Variants in RSPO3 observed in about 807,000 individuals in gnomAD.
RSPO3 encodes R-spondin 3, also known as R-spondin-3.
In RSPO3, 17 loss-of-function variants were observed where a neutral mutation model predicts 36.5. The observed-to-expected ratio is 0.47, with a 90% CI of 0.32 to 0.70. The LOEUF is 0.70. Among genes scored for constraint, RSPO3 ranks in the 30% least tolerant of loss-of-function variants. RSPO3 has a pLI of 0.04. For synonymous variants in RSPO3, 108 were observed against 107.0 expected, an observed-to-expected ratio of 1.01 and a Z score of -0.06; for missense variants, 294 against 322.5, an observed-to-expected ratio of 0.91 and a Z score of 0.68.
chr6:127,155,283 CGAA>C lies in RSPO3; in HGVS notation c.484_486del (p.Lys162del), dbSNP rs1562246530. On this transcript the variant is annotated inframe_deletion, in exon 4 of 5. Transcript: ENST00000356698. The stretch of plus-strand genomic sequence containing the variant: ...GAATGGAATCCTTGGAGTCCATGCA[CGAA>C]GAAGGGAAAAACATGTGGCTTCAAA... 1.2e-6 allele frequency: 2 copies of C among 1,613,678 alleles called. No homozygotes were observed. Among genetic ancestry groups the C allele is most frequent in the Admixed American group, 3.3e-5 (2 of 59,976 alleles).
Position 127,197,288 on chromosome 6 carries a change from C to A in RSPO3, c.*1281C>A. ...TTAATCAACATTCTAATTATAGACA[C>A]ATGGGCCTCCCTAGCTGATTTCACT... On this transcript the variant is annotated 3_prime_UTR_variant, in exon 5 of 5. Transcript: ENST00000356698. 9.7e-7 allele frequency: 1 copy of A among 1,032,690 alleles called. No individual in the cohort carries two copies. The highest frequency in any genetic ancestry group is 1.4e-6 in the Non-Finnish European group (1 of 723,218). 64.0% of individuals were successfully genotyped at this position (1,032,690 alleles called of 1,614,324 possible).
chr6:127,198,161 C>G lies in RSPO3; in HGVS notation c.*2154C>G, dbSNP rs921381029. ...CAATGGTGGCAAATGACTATCAGGT[C>G]TTCCCATGTGTTTGACTCAAACTTA... On this transcript the variant is annotated 3_prime_UTR_variant, in exon 5 of 5. Coordinates refer to ENST00000356698, the MANE Select transcript of RSPO3 (RefSeq NM_032784.5). 2.6e-5 allele frequency among the ~76,000 whole-genome samples: 4 copies of G among 152,226 alleles called. No individual in the cohort carries two copies. The highest frequency in any genetic ancestry group is 4.4e-5 in the Non-Finnish European group (3 of 68,046).
chr6:127,120,908 G>C (rs1429793043), intron 1 of RSPO3, among the ~76,000 whole-genome samples: 1 of 152,264 alleles, frequency 6.6e-6, no homozygotes, highest in East Asian at 1.9e-4. Context: ...GGACGCGGAA[G>C]GGGAGGCCTG....
intron 4 of RSPO3, among the ~76,000 whole-genome samples, chr6:127,189,174 T>C (rs1775358282): frequency 6.6e-6 from 1 of 152,080 alleles, no homozygotes; most frequent in Non-Finnish European, 1.5e-5. Flanking sequence ...CAGGTCATCT[T>C]CACCTTGATC....
chr6:127,193,560 C>A (rs1188546685), intron 4 of RSPO3, among the ~76,000 whole-genome samples: 1 of 152,152 alleles, frequency 6.6e-6, no homozygotes, highest in Admixed American at 6.6e-5. Flanking sequence ...AACTCAAACA[C>A]CTCCAAAATG....
intron 1 of RSPO3, among the ~76,000 whole-genome samples, chr6:127,133,370 C>G (rs1252886872): frequency 6.6e-6 from 1 of 152,002 alleles, no homozygotes; most frequent in Admixed American, 6.6e-5. Flanking sequence ...TCTAGATTTT[C>G]TTGATTTGAC....
In RSPO3 at chr6:127,136,256, A is replaced by G. The variant is rs1254153012; in HGVS notation, c.98-12392A>G. Among the ~76,000 whole-genome samples, 3 of 152,190 alleles carry G rather than the reference A, an allele frequency of 2.0e-5. No individual in the cohort carries two copies. In the East Asian group the frequency reaches 5.8e-4, roughly 29 times the overall value. On this transcript the variant is annotated intron_variant, in intron 1 of 4. Coordinates refer to ENST00000356698, the MANE Select transcript of RSPO3 (RefSeq NM_032784.5). ...CTTGGAGAGAATTATCTGTTCATTG[A>G]CTGAGGAGTTGCTTCACAGTCTCTT...
chr6:127,150,603 T>C, intron 3 of RSPO3, 31 bp downstream of exon 3: 1 of 1,590,300 alleles, frequency 6.3e-7, no homozygotes, highest in South Asian at 1.1e-5. Context: ...TTTGAGTAAG[T>C]GATAATGTCA....
At chr6:127,132,262 T>C (rs749069298) in intron 1 of RSPO3, among the ~76,000 whole-genome samples, 12 of 152,108 alleles carry the variant, frequency 7.9e-5, no homozygotes, top group African/African-American at 1.2e-4. Flanking sequence ...TTAGTAGTGT[T>C]TGCAACAGCA....
chr6:127,140,449 C>G lies in RSPO3; in HGVS notation c.98-8199C>G, dbSNP rs1005006691. On this transcript the variant is annotated intron_variant, in intron 1 of 4. Transcript: ENST00000356698. ...AGGAGAAACGAGATAGTCCCAAGAG[C>G]AAAACACATGTAGATTGATGCACAG... Among the ~76,000 whole-genome samples, 3 of 152,086 alleles carry G rather than the reference C, an allele frequency of 2.0e-5. No individual in the cohort carries two copies. In the East Asian group the frequency reaches 5.8e-4, roughly 29 times the overall value.
At chr6:127,131,011 G>T (rs747355249) in intron 1 of RSPO3, among the ~76,000 whole-genome samples, 1 of 151,986 alleles carries the variant, frequency 6.6e-6, no homozygotes, top group African/African-American at 2.4e-5. Flanking sequence ...AATTTTAAAA[G>T]GACAGTCTTT....
intron 1 of RSPO3, among the ~76,000 whole-genome samples, chr6:127,124,765 T>C (rs72959029): frequency 2.4e-3 from 367 of 152,212 alleles, no homozygotes; most frequent in Non-Finnish European, 4.3e-3. Context: ...ATCTTTTCTG[T>C]TTCTTCAATT....
chr6:127,146,162 GATATTCAAAATTCATTGCC>G (rs1472674187), intron 1 of RSPO3, among the ~76,000 whole-genome samples: 1 of 152,070 alleles, frequency 6.6e-6, no homozygotes, highest in Non-Finnish European at 1.5e-5. Flanking sequence ...GCCATCATTT[GATATTCAAAATTCATTGCC>G]ATATTCAAAA....
At position 127,197,238 on chromosome 6, in the gene RSPO3, G is replaced by A. The variant is rs1292916928; in HGVS notation, c.*1231G>A. On this transcript the variant is annotated 3_prime_UTR_variant, in exon 5 of 5. Coordinates refer to ENST00000356698, the MANE Select transcript of RSPO3 (RefSeq NM_032784.5). ...TGGAGATTTACTTATAGCGTATTAG[G>A]AGATATTTATTCCATTTTCTTATTT... 1 of 664,826 alleles carries A rather than the reference G, an allele frequency of 1.5e-6. No individual in the cohort carries two copies. Among genetic ancestry groups the A allele is most frequent in the African/African-American group, 1.8e-5 (1 of 55,058 alleles). The allele number at this position is 664,826 out of a possible 1,614,324, so 41.2% of individuals were successfully genotyped here. A position where few individuals can be genotyped will look rare whatever the true frequency, so the allele number is the denominator to read the frequency against.
At chr6:127,169,932 A>G (rs1316488951) in intron 4 of RSPO3, among the ~76,000 whole-genome samples, 1 of 151,820 alleles carries the variant, frequency 6.6e-6, no homozygotes, top group East Asian at 1.9e-4. Context: ...CCCCTGCTGC[A>G]ATGGAAAACA....
At chr6:127,168,539 C>T (rs1774871799) in intron 4 of RSPO3, among the ~76,000 whole-genome samples, 1 of 151,968 alleles carries the variant, frequency 6.6e-6, no homozygotes, top group Admixed American at 6.6e-5. Context: ...AAATTTTCTC[C>T]CATTCTGTAG....
At chr6:127,187,012 A>C (rs1775307966) in intron 4 of RSPO3, among the ~76,000 whole-genome samples, 2 of 152,188 alleles carry the variant, frequency 1.3e-5, no homozygotes, top group Non-Finnish European at 2.9e-5. Context: ...TTTAAAGGGT[A>C]ATATGAAATA....
chr6:127,178,352 AAGTC>A (rs1438234290), intron 4 of RSPO3, among the ~76,000 whole-genome samples: 7 of 151,740 alleles, frequency 4.6e-5, no homozygotes, highest in African/African-American at 1.7e-4. Context: ...ATAAAAATAG[AAGTC>A]AGGTTAAAAA....
chr6:127,128,001 A>T (rs936590714), intron 1 of RSPO3, among the ~76,000 whole-genome samples: 12 of 152,084 alleles, frequency 7.9e-5, no homozygotes, highest in Non-Finnish European at 1.6e-4. Context: ...TTTCATTAAA[A>T]GCAATAGGAT....
Sources: gnomAD v4.1 joint callset for allele counts (sites outside exome capture counted in the v4.1 genomes callset) on GRCh38, gnomAD v4.1.1 for gene constraint, MANE v1.5 for transcripts, NCBI Gene and HGNC (gene_info 2026-07-23, HGNC 2026-07-21) for gene names.